The following HAS2 variants were observed in gnomAD, a reference collection of about 807,000 sequenced individuals.
The protein encoded by HAS2 is hyaluronan synthase 2.
HAS2 carries 16 observed loss-of-function variants against 51.6 expected under a neutral mutation model. The ratio of observed to expected loss-of-function variants is 0.31; its 90% CI spans 0.21 to 0.47. The LOEUF is 0.47. HAS2 is among the 20% of genes least tolerant of loss of function. The pLI, the probability that HAS2 is intolerant of heterozygous loss-of-function variation, is 1.00. For missense variants in HAS2, 361 were observed against 662.6 expected (o/e 0.54, Z 5.00); for synonymous variants, 228 against 235.5 (o/e 0.97, Z 0.29).
intron 3 of HAS2, among the ~76,000 whole-genome samples, chr8:121,616,830 C>A (rs1025543040): frequency 1.3e-5 from 2 of 152,126 alleles, no homozygotes; most frequent in African/African-American, 2.4e-5. Flanking sequence ...GAAATCATTA[C>A]ACATTTATTT....
At chr8:121,635,161 T>A (rs1812992222) in intron 1 of HAS2, among the ~76,000 whole-genome samples, 1 of 152,156 alleles carries the variant, frequency 6.6e-6, no homozygotes, top group Non-Finnish European at 1.5e-5. Context: ...TGCCATCTAC[T>A]ACCAATTTCA....
intron 1 of HAS2, among the ~76,000 whole-genome samples, chr8:121,632,255 C>T (rs769068668): frequency 6.6e-6 from 1 of 152,070 alleles, no homozygotes; most frequent in Admixed American, 6.6e-5. Context: ...TTATAATTTC[C>T]CCTGGGCAAT....
chr8:121,628,924 G>A lies in HAS2; in HGVS notation c.417C>T (p.Gly139=), dbSNP rs1400855401. Residue 139 remains glycine, a synonymous_variant, in exon 2 of 4, where the codon GGC becomes GGT. Transcript: ENST00000303924. Reference sequence around the variant, plus strand: ...AGATATAAGTGGCTGATTTGTCTCTGCCCATGACTTCACTGAAGATGTCCA... The same window carrying A: ...AGATATAAGTGGCTGATTTGTCTCTACCCATGACTTCACTGAAGATGTCCA... ...YMMDIFSEVM[G]RDKSATYIWK... 1 of 1,613,854 alleles carries A rather than the reference G, an allele frequency of 6.2e-7. No homozygotes were observed. The highest frequency in any genetic ancestry group is 8.5e-7 in the Non-Finnish European group (1 of 1,179,902).
intron 1 of HAS2, among the ~76,000 whole-genome samples, chr8:121,631,291 A>G (rs1812925801): frequency 6.6e-6 from 1 of 152,180 alleles, no homozygotes. Context: ...GTACTGCACT[A>G]GTATAACTTA....
rs757965336 is a variant in HAS2 at position 121,614,949 on chromosome 8, A to G, written c.819T>C (p.Tyr273=). ...AFNIERACQS[Y]FGCVQCISGP... is the part of the protein sequence containing the mutation. ...CACTAATGCACTGAACACACCCAAAATAAGACTGACAGGCCCTTTCTATAT... is the reference window on the plus strand; with the variant it reads ...CACTAATGCACTGAACACACCCAAAGTAAGACTGACAGGCCCTTTCTATAT... The change falls in exon 4 of 4, where the codon TAT becomes TAC. Residue 273 remains tyrosine (Y), a synonymous_variant. Transcript: ENST00000303924. This position sits in a 1 kb window ranked among gnomAD's most constrained non-coding sequence, Gnocchi z 7.2. The G allele has an allele frequency of 2.5e-6, 4 of 1,613,892 alleles. No individual in the cohort carries two copies. Among genetic ancestry groups the G allele is most frequent in the South Asian group, 2.2e-5 (2 of 91,082 alleles).
intron 1 of HAS2, among the ~76,000 whole-genome samples, chr8:121,637,532 AG>A (rs1813026722): frequency 6.6e-6 from 1 of 151,888 alleles, no homozygotes; most frequent in Non-Finnish European, 1.5e-5. Flanking sequence ...CTGGGATTAC[AG>A]GTGGCCACCA....
intron 2 of HAS2, among the ~76,000 whole-genome samples, chr8:121,628,378 G>A (rs945642901): frequency 1.3e-5 from 2 of 152,100 alleles, no homozygotes; most frequent in African/African-American, 4.8e-5. Flanking sequence ...TTAGAGTGTG[G>A]AAAATGATGT....
chr8:121,636,849 A>G (rs1813015993), intron 1 of HAS2, among the ~76,000 whole-genome samples: 1 of 152,210 alleles, frequency 6.6e-6, no homozygotes, highest in Non-Finnish European at 1.5e-5. Context: ...TTTCAATCAG[A>G]TGTGACTTCT....
In HAS2 at chr8:121,629,135, C is replaced by T. The variant is rs202113498; in HGVS notation, c.206G>A (p.Arg69Gln). 101 of 1,613,862 alleles carry T rather than the reference C, an allele frequency of 6.3e-5. No individual in the cohort carries two copies. The highest frequency in any genetic ancestry group is 1.8e-4 in the South Asian group (16 of 91,070). ...IQSLFAFLEH[R>Q]KMKKSLETPI... Reference sequence around the variant, plus strand: ...GGTTTCTAGGGATTTTTTCATTTTTCGGTGCTCCAAAAAGGCAAACAGGCT... The same window carrying T: ...GGTTTCTAGGGATTTTTTCATTTTTTGGTGCTCCAAAAAGGCAAACAGGCT... The change falls in exon 2 of 4, where the codon CGA becomes CAA. Residue 69 changes from arginine (R) to glutamine (Q), a missense_variant. Arg to Gln is a conservative substitution (Grantham distance 43). Transcript: ENST00000303924.
At chr8:121,627,186 T>C (rs1280101053) in intron 2 of HAS2, among the ~76,000 whole-genome samples, 1 of 152,210 alleles carries the variant, frequency 6.6e-6, no homozygotes, top group Non-Finnish European at 1.5e-5. Context: ...TCAAAACAGA[T>C]GTTTTCTCAT....
At chr8:121,618,963 TAA>T (rs548278264) in intron 2 of HAS2, among the ~76,000 whole-genome samples, 1 of 145,160 alleles carries the variant, frequency 6.9e-6, no homozygotes, top group Admixed American at 6.9e-5. Flanking sequence ...GTTTTGAATT[TAA>T]AAAAAAAAAG....
At chr8:121,621,241 C>T (rs760599185) in intron 2 of HAS2, among the ~76,000 whole-genome samples, 1 of 152,186 alleles carries the variant, frequency 6.6e-6, no homozygotes, top group Admixed American at 6.5e-5. Flanking sequence ...TTTGCAAAAG[C>T]TGTCTCCATC....
chr8:121,621,737 A>T (rs1482133857), intron 2 of HAS2, among the ~76,000 whole-genome samples: 2 of 152,178 alleles, frequency 1.3e-5, no homozygotes, highest in Non-Finnish European at 2.9e-5. Context: ...TCTCACAACA[A>T]TCTAAATAAA....
rs1812682646 is a variant in HAS2 at position 121,615,107 on chromosome 8, T to C, written c.730-69A>G. The C allele has an allele frequency of 4.8e-6, 5 of 1,037,590 alleles. No homozygotes were observed. In the East Asian group the frequency reaches 1.2e-4, roughly 25 times the overall value. 64.3% of individuals were successfully genotyped at this position (1,037,590 alleles called of 1,614,324 possible). On this transcript the variant is annotated intron_variant, in intron 3 of 3. Transcript: ENST00000303924. ...AATTCCAGCAAAACCTGTTCCATCC[T>C]GAGGTTACTACCTGGAGTAATATTT...
chr8:121,616,759 G>C (rs1812709658), intron 3 of HAS2, among the ~76,000 whole-genome samples: 1 of 152,018 alleles, frequency 6.6e-6, no homozygotes, highest in Non-Finnish European at 1.5e-5. Context: ...CTTAATCCTT[G>C]TAATGAAATA....
chr8:121,630,949 C>T (rs1224352485), intron 1 of HAS2, among the ~76,000 whole-genome samples: 2 of 152,176 alleles, frequency 1.3e-5, no homozygotes, highest in African/African-American at 4.8e-5. Context: ...AGTGTGGCTT[C>T]TTACCAATTG....
intron 3 of HAS2, among the ~76,000 whole-genome samples, chr8:121,615,842 C>CA (rs138866924): frequency 0.045 from 6,806 of 152,156 alleles, 565 homozygotes; most frequent in African/African-American, 0.16. Context: ...GGCCTTCCTG[C>CA]AAATTTGAAT....
chr8:121,624,855 G>A (rs1335389330), intron 2 of HAS2, among the ~76,000 whole-genome samples: 2 of 152,128 alleles, frequency 1.3e-5, no homozygotes, highest in Admixed American at 6.5e-5. Context: ...CAGCACTTTG[G>A]GAGGCCGAGG....
chr8:121,628,470 A>C (rs553531112), intron 2 of HAS2, among the ~76,000 whole-genome samples: 1 of 152,302 alleles, frequency 6.6e-6, no homozygotes, highest in East Asian at 1.9e-4. Flanking sequence ...CTGTCAAAAT[A>C]ATCCTGATTT....
Sources: gnomAD v4.1 joint callset for allele counts (sites outside exome capture counted in the v4.1 genomes callset) on GRCh38, gnomAD v4.1.1 for gene constraint, Gnocchi (gnomAD v3.1) non-coding constraint, MANE v1.5 for transcripts, NCBI Gene and HGNC (gene_info 2026-07-23, HGNC 2026-07-21) for gene names.